Variants in BTBD9 observed in about 807,000 individuals in gnomAD.
The protein encoded by BTBD9 is BTB domain containing 9.
A neutral mutation model predicts 64.3 loss-of-function variants in BTBD9; 49 were observed. The ratio of observed to expected loss-of-function variants is 0.76; its 90% CI spans 0.61 to 0.97. The LOEUF is 0.97. BTBD9 is among the 50% of genes least tolerant of loss of function. The pLI, the probability that BTBD9 is intolerant of heterozygous loss-of-function variation, is 0.00. For missense variants in BTBD9, 598 were observed against 762.1 expected, an observed-to-expected ratio of 0.78 and a Z score of 2.53; for synonymous variants, 260 against 274.7, an observed-to-expected ratio of 0.95 and a Z score of 0.53.
chr6:38,203,684 A>T (rs1762538805), intron 9 of BTBD9, among the ~76,000 whole-genome samples: 1 of 152,114 alleles, frequency 6.6e-6, no homozygotes, highest in African/African-American at 2.4e-5. Context: ...TCTCATATGT[A>T]GGAGCTAAAA....
At chr6:38,585,183 A>G (rs1776459546) in intron 4 of BTBD9, among the ~76,000 whole-genome samples, 1 of 152,230 alleles carries the variant, frequency 6.6e-6, no homozygotes, top group Non-Finnish European at 1.5e-5. Flanking sequence ...AGGAATACTC[A>G]TTAGAGATGA....
chr6:38,320,242 C>T (rs886539097), intron 7 of BTBD9, among the ~76,000 whole-genome samples: 2 of 152,200 alleles, frequency 1.3e-5, no homozygotes, highest in Non-Finnish European at 2.9e-5. Context: ...TGACCACTCA[C>T]CTGATTTTTC....
chr6:38,329,298 G>C (rs1763581124), intron 7 of BTBD9, among the ~76,000 whole-genome samples: 1 of 151,082 alleles, frequency 6.6e-6, no homozygotes, highest in Non-Finnish European at 1.5e-5. Flanking sequence ...AGTAGATAAA[G>C]GAGTATTTTA....
chr6:38,352,843 C>T (rs566787203), intron 6 of BTBD9, among the ~76,000 whole-genome samples: 14 of 152,326 alleles, frequency 9.2e-5, no homozygotes, highest in African/African-American at 3.1e-4. Flanking sequence ...ACTGATTCAT[C>T]CAACAAATAT....
At chr6:38,179,185 TAA>T (rs1282958605) in intron 10 of BTBD9, among the ~76,000 whole-genome samples, 1 of 152,182 alleles carries the variant, frequency 6.6e-6, no homozygotes, top group Non-Finnish European at 1.5e-5. Flanking sequence ...TTTCTTAAAC[TAA>T]AAAAGTTATT....
In BTBD9 at chr6:38,453,378, A is replaced by G. The variant is rs112656385; in HGVS notation, c.1155-108285T>C. Among the ~76,000 whole-genome samples the G allele has an allele frequency of 7.3e-3, 1,116 of 152,268 alleles. 9 individuals carry two copies. Among genetic ancestry groups the G allele is most frequent in the African/African-American group, 0.025 (1,056 of 41,568 alleles). On this transcript the variant is annotated intron_variant, in intron 6 of 10. Transcript: ENST00000481247. Reference sequence around the variant, plus strand: ...AAATGGCTTTCTGGGAAACCTCCACATTTGCATGAATTCAAATGAAACTCC... The same window carrying G: ...AAATGGCTTTCTGGGAAACCTCCACGTTTGCATGAATTCAAATGAAACTCC...
chr6:38,413,633 T>C (rs181815917), intron 6 of BTBD9, among the ~76,000 whole-genome samples: 1 of 152,066 alleles, frequency 6.6e-6, no homozygotes, highest in East Asian at 1.9e-4. Flanking sequence ...TCTAAGAATG[T>C]GATGTGACTG....
At position 38,174,210 on chromosome 6, in the gene BTBD9, A is replaced by G. The variant is rs1272632241; in HGVS notation, c.*775T>C. The G allele has an allele frequency of 6.6e-6, 1 of 152,260 alleles. No homozygotes were observed. The highest frequency in any genetic ancestry group is 1.5e-5 in the Non-Finnish European group (1 of 68,056). The allele number at this position is 152,260 out of a possible 1,614,324, so 9.4% of individuals were successfully genotyped here. On this transcript the variant is annotated 3_prime_UTR_variant, in exon 11 of 11. Coordinates refer to ENST00000481247, the MANE Select transcript of BTBD9 (RefSeq NM_001099272.2). ...CCTCCCAAGCTTAAAGGCTGGATCCATGTCAGGAATGACAGGTGAGTAACT... is the reference window on the plus strand; with the variant it reads ...CCTCCCAAGCTTAAAGGCTGGATCCGTGTCAGGAATGACAGGTGAGTAACT...
intron 9 of BTBD9, among the ~76,000 whole-genome samples, chr6:38,230,650 C>T (rs777352861): frequency 6.6e-6 from 1 of 152,092 alleles, no homozygotes; most frequent in Admixed American, 6.6e-5. Context: ...TGGCCTCATC[C>T]CATCTCATCC....
chr6:38,577,407 T>C (rs1326909294), intron 6 of BTBD9, among the ~76,000 whole-genome samples, 193 bp downstream of exon 6: 4 of 152,206 alleles, frequency 2.6e-5, no homozygotes, highest in South Asian at 2.1e-4. Context: ...GTTGTATAAA[T>C]AGTTCCACAA....
intron 1 of BTBD9, among the ~76,000 whole-genome samples, chr6:38,610,542 G>T (rs1247028127): frequency 6.6e-6 from 1 of 152,092 alleles, no homozygotes; most frequent in Non-Finnish European, 1.5e-5. Flanking sequence ...ACACTGTGGT[G>T]GATAGAATCT....
intron 6 of BTBD9, among the ~76,000 whole-genome samples, chr6:38,513,993 T>C (rs182587526): frequency 8.5e-5 from 13 of 152,292 alleles, no homozygotes; most frequent in African/African-American, 2.9e-4. Flanking sequence ...GATGGCTACA[T>C]ATGCTCTAGC....
chr6:38,198,911 C>T (rs2127490867), intron 9 of BTBD9, among the ~76,000 whole-genome samples: 1 of 152,286 alleles, frequency 6.6e-6, no homozygotes. Flanking sequence ...GAGAGGAAGG[C>T]ACACAGAAAG....
intron 6 of BTBD9, among the ~76,000 whole-genome samples, chr6:38,409,451 A>G (rs560089703): frequency 2.6e-5 from 4 of 152,314 alleles, no homozygotes; most frequent in Admixed American, 1.3e-4. Context: ...TTTTTAATCT[A>G]TATTTCTAAA....
intron 6 of BTBD9, among the ~76,000 whole-genome samples, chr6:38,460,420 T>C (rs1310285602): frequency 6.6e-6 from 1 of 152,248 alleles, no homozygotes; most frequent in Non-Finnish European, 1.5e-5. Flanking sequence ...AACATCATTA[T>C]GCACACCGCA....
intron 10 of BTBD9, among the ~76,000 whole-genome samples, chr6:38,176,629 C>T (rs1481983434): frequency 2.0e-5 from 3 of 152,164 alleles, no homozygotes; most frequent in Non-Finnish European, 4.4e-5. Flanking sequence ...ATCTGCAGGG[C>T]TTACCAGTCA....
chr6:38,330,250 G>A (rs1413847731), intron 7 of BTBD9, among the ~76,000 whole-genome samples: 2 of 152,074 alleles, frequency 1.3e-5, no homozygotes, highest in East Asian at 3.9e-4. Context: ...ATGGAGTTTT[G>A]CCATGTTGGC....
At chr6:38,462,712 A>G (rs1439680070) in intron 6 of BTBD9, among the ~76,000 whole-genome samples, 1 of 152,230 alleles carries the variant, frequency 6.6e-6, no homozygotes, top group Non-Finnish European at 1.5e-5. Flanking sequence ...ATCTATGGAT[A>G]AATATGGGGG....
At chr6:38,532,471 C>T (rs189965563) in intron 6 of BTBD9, among the ~76,000 whole-genome samples, 28 of 152,236 alleles carry the variant, frequency 1.8e-4, no homozygotes, top group African/African-American at 2.4e-4. Flanking sequence ...GAGGTGTTTT[C>T]GCCATCTCTT....
Sources: gnomAD v4.1 joint callset for allele counts (sites outside exome capture counted in the v4.1 genomes callset) on GRCh38, gnomAD v4.1.1 for gene constraint, MANE v1.5 for transcripts, NCBI Gene and HGNC (gene_info 2026-07-23, HGNC 2026-07-21) for gene names.